The following ITLN1 variants were observed in gnomAD, a reference collection of about 807,000 sequenced individuals.
ITLN1 encodes intelectin 1.
Under a neutral mutation model 36.2 loss-of-function variants are expected in ITLN1, and 29 were observed. The observed-to-expected ratio is 0.80, with a 90% CI of 0.60 to 1.09. The LOEUF is 1.09. Ranked by LOEUF, ITLN1 falls within the 50% of genes least tolerant of loss-of-function variation. ITLN1 has a pLI of 0.00. For synonymous variants in ITLN1, 143 were observed against 146.5 expected (o/e 0.98, Z 0.17); for missense variants, 358 against 405.2 (o/e 0.88, Z 1.00).
intron 6 of ITLN1, among the ~76,000 whole-genome samples, chr1:160,880,238 C>T (rs1557855591): frequency 6.6e-6 from 1 of 150,766 alleles, no homozygotes; most frequent in African/African-American, 2.4e-5. Context: ...CTGGGAGGCA[C>T]AAGTTGCAGT....
intron 1 of ITLN1, 48 bp from the exon 2 acceptor site, chr1:160,884,931 T>C (rs944706889): frequency 1.8e-5 from 23 of 1,282,518 alleles, no homozygotes; most frequent in Non-Finnish European, 2.6e-5. Flanking sequence ...CATTTTTCTC[T>C]ACATCCCTGC....
intron 3 of ITLN1, among the ~76,000 whole-genome samples, chr1:160,883,163 C>T (rs1374944843): frequency 2.0e-5 from 3 of 152,258 alleles, no homozygotes; most frequent in African/African-American, 2.4e-5. Flanking sequence ...CCACCGCACC[C>T]GGCCCCTCCA....
intron 7 of ITLN1, among the ~76,000 whole-genome samples, chr1:160,878,542 A>C (rs926229141): frequency 1.3e-5 from 2 of 151,886 alleles, no homozygotes; most frequent in Non-Finnish European, 2.9e-5. Context: ...ATGCACCACC[A>C]CACTCGGCTA....
At chr1:160,881,868 C>T (rs1258479830) in intron 4 of ITLN1, 89 bp downstream of exon 4, 4 of 1,596,640 alleles carry the variant, frequency 2.5e-6, no homozygotes, top group Non-Finnish European at 3.4e-6. Context: ...ATCCCACACC[C>T]CTACCTTCCA....
intron 7 of ITLN1, 29 bp downstream of exon 7, chr1:160,879,282 A>G (rs755286571): frequency 1.3e-6 from 2 of 1,526,704 alleles, no homozygotes; most frequent in South Asian, 2.2e-5. Context: ...CCTTACTCAC[A>G]GGTCCCTGCA....
chr1:160,881,468 AC>A, intron 4 of ITLN1, 156 bp from the exon 5 acceptor site: 1 of 793,202 alleles, frequency 1.3e-6, no homozygotes, highest in Non-Finnish European at 1.9e-6. Flanking sequence ...CGATGATCCC[AC>A]CACACCCAGG....
chr1:160,879,251 A>T (rs1670639898), intron 7 of ITLN1, 60 bp downstream of exon 7: 1 of 1,202,456 alleles, frequency 8.3e-7, no homozygotes, highest in Non-Finnish European at 1.2e-6. Context: ...CACACATACC[A>T]ACACACACGG....
chr1:160,881,532 G>A, intron 4 of ITLN1: 1 of 556,482 alleles, frequency 1.8e-6, no homozygotes, highest in South Asian at 3.1e-5. Context: ...AAATTGGCTG[G>A]GTGTGGTGGC....
rs371403294 is a variant in ITLN1, at chr1:160,876,698, A to G, written c.908T>C (p.Ile303Thr). 8.7e-6 allele frequency: 14 copies of G among 1,614,122 alleles called. No homozygotes were observed. In the African/African-American group the frequency reaches 1.2e-4, roughly 14 times the overall value. ...THVGYSSSRE[I>T]TEAAVLLFYR is the part of the protein sequence containing the mutation. ...GAATAGAAGCACAGCTGCCTCAGTT[A>G]TCTCACGGCTGCTGCTGTAACCAAC... The change falls in exon 8 of 8, where the codon ATA becomes ACA. Residue 303 changes from isoleucine (I) to threonine (T), a missense_variant. Transcript: ENST00000326245.
intron 3 of ITLN1, among the ~76,000 whole-genome samples, chr1:160,882,967 T>A (rs1670704969): frequency 6.6e-6 from 1 of 152,116 alleles, no homozygotes; most frequent in African/African-American, 2.4e-5. Context: ...CCTCCTGAGT[T>A]CAAGCGATCC....
intron 3 of ITLN1, 127 bp from the exon 4 acceptor site, chr1:160,882,331 A>C: frequency 8.0e-7 from 1 of 1,250,400 alleles, no homozygotes; most frequent in South Asian, 1.6e-5. Context: ...CACATCACTA[A>C]GTGCTCCCAG....
At chr1:160,883,344 T>G in intron 3 of ITLN1, 84 bp downstream of exon 3, 1 of 912,388 alleles carries the variant, frequency 1.1e-6, no homozygotes, top group Non-Finnish European at 1.8e-6. Context: ...TTACCATAAT[T>G]TTTTAACTAA....
chr1:160,883,343 T>C (rs927137049), intron 3 of ITLN1, 85 bp downstream of exon 3: 2 of 896,640 alleles, frequency 2.2e-6, no homozygotes, highest in Non-Finnish European at 3.6e-6. Context: ...TTTACCATAA[T>C]TTTTTAACTA....
In ITLN1 at chr1:160,876,804, C is replaced by T. The variant is rs1482576231; in HGVS notation, c.802G>A (p.Gly268Arg). The T allele has an allele frequency of 4.3e-6, 7 of 1,614,176 alleles. No individual in the cohort carries two copies. Among genetic ancestry groups the T allele is most frequent in the South Asian group, 1.1e-5 (1 of 91,076 alleles). Residue 268 changes from glycine (G) to arginine (R), a missense_variant, in exon 8 of 8, where the codon GGA becomes AGA. Physicochemically the swap from Gly to Arg is moderately radical, Grantham distance 125. Transcript: ENST00000326245. ...CTGGCCTCTGGAAAGTATCCTCCTC[C>T]ACCAATGCAGTGCTGGGAAACAAAG... ...GCNTEHHCIG[G>R]GGYFPEASPQ...
intron 7 of ITLN1, among the ~76,000 whole-genome samples, chr1:160,877,241 GAA>G (rs796809452): frequency 7.2e-5 from 10 of 139,526 alleles, no homozygotes; most frequent in Admixed American, 2.1e-4. Flanking sequence ...TGTCTCAAAA[GAA>G]AAAAAAAAAA....
Position 160,881,240 on chromosome 1 carries a change from G to T in ITLN1, c.478C>A (p.His160Asn). The T allele has an allele frequency of 6.2e-7, 1 of 1,613,688 alleles. No homozygotes were observed. The change falls in exon 5 of 8, where the codon CAC becomes AAC. Residue 160 changes from histidine (H) to asparagine (N), a missense_variant. Coordinates refer to ENST00000326245, the MANE Select transcript of ITLN1 (RefSeq NM_017625.3). ...CTCAGCAGGGAGCTGTTTCTCCAGT[G>T]CTGCATGGGGGACTTATTGGGCACG... ...WHVPNKSPMQ[H>N]WRNSSLLRYR...
chr1:160,883,446 C>T lies in ITLN1; in HGVS notation c.139G>A (p.Glu47Lys), dbSNP rs372272812. ...LPRSCKEIKD[E>K]CPSAFDGLYF... ...CACTCACCAAATGCACTAGGACATT[C>T]GTCTTTGATTTCCTTGCAGCTTCTG... The change falls in exon 3 of 8, where the codon GAA becomes AAA. Residue 47 changes from glutamate to lysine, a missense_variant. Physicochemically the swap from Glu to Lys is moderately conservative, Grantham distance 56. Transcript: ENST00000326245. 1.8e-5 allele frequency: 29 copies of T among 1,612,246 alleles called. No homozygotes were observed. Among genetic ancestry groups the T allele is most frequent in the Non-Finnish European group, 2.2e-5 (26 of 1,178,412 alleles).
chr1:160,882,091 G>A lies in ITLN1; in HGVS notation c.271C>T (p.Arg91Cys), dbSNP rs138384406. The A allele has an allele frequency of 1.6e-4, 264 of 1,614,140 alleles. No homozygotes were observed. The highest frequency in any genetic ancestry group is 2.1e-4 in the Non-Finnish European group (248 of 1,180,026). The part of the protein sequence containing the change: ...LVASVHENDM[R>C]GKCTVGDRWS... The stretch of plus-strand genomic sequence containing the variant: ...CGATCGCCCACCGTGCACTTCCCAC[G>A]CATGTCATTCTCGTGCACGCTGGCC... The change falls in exon 4 of 8, where the codon CGT becomes TGT. Residue 91 changes from arginine to cysteine, a missense_variant. Physicochemically the swap from Arg to Cys is radical, Grantham distance 180. Transcript: ENST00000326245.
intron 6 of ITLN1, among the ~76,000 whole-genome samples, chr1:160,880,166 G>A (rs138652913): frequency 0.011 from 1,664 of 152,240 alleles, 33 homozygotes; most frequent in Middle Eastern, 0.044. Flanking sequence ...TCAGCTGGGC[G>A]TGGTGGTGGG....
Sources: allele counts gnomAD v4.1 joint callset (sites outside exome capture counted in the v4.1 genomes callset), GRCh38; gene constraint gnomAD v4.1.1; transcripts MANE v1.5; gene names NCBI Gene and HGNC (gene_info 2026-07-23, HGNC 2026-07-21).